Variants in DNAH5 observed in about 807,000 individuals in gnomAD.
DNAH5 encodes axonemal beta dynein heavy chain 5.
DNAH5 carries 372 observed loss-of-function variants against 518.2 expected under a neutral mutation model. The ratio of observed to expected loss-of-function variants is 0.72; its 90% CI spans 0.66 to 0.78. DNAH5 has a LOEUF of 0.78. DNAH5 is among the 30% of genes least tolerant of loss of function. The probability of loss-of-function intolerance (pLI) is 0.00; values close to 1 mark genes in which losing one functional copy is unlikely to be tolerated. For synonymous variants in DNAH5, 2,039 were observed against 2,025.9 expected, an observed-to-expected ratio of 1.01 and a Z score of -0.17; for missense variants, 5,523 against 5,687.0, an observed-to-expected ratio of 0.97 and a Z score of 0.93.
intron 5 of DNAH5, 33 bp from the exon 6 acceptor site, chr5:13,920,650 T>C (rs1327626039): frequency 6.2e-7 from 1 of 1,613,088 alleles, no homozygotes; most frequent in Admixed American, 1.7e-5. Flanking sequence ...AATCAGATGA[T>C]GCTTTTGTAA....
At chr5:13,858,458 A>G (rs891289801) in intron 30 of DNAH5, among the ~76,000 whole-genome samples, 7 of 152,136 alleles carry the variant, frequency 4.6e-5, no homozygotes, top group African/African-American at 1.4e-4. Flanking sequence ...TAGGAGAAAT[A>G]CCTAATGTAG....
chr5:13,702,368 A>G (rs550293188), intron 76 of DNAH5, among the ~76,000 whole-genome samples: 1 of 152,324 alleles, frequency 6.6e-6, no homozygotes, highest in Admixed American at 6.5e-5. Context: ...GAATAAAATG[A>G]TCATAATTTA....
At position 13,763,757 on chromosome 5, in the gene DNAH5, T is replaced by C. The variant is rs546949727; in HGVS notation, c.10102-856A>G. On this transcript the variant is annotated intron_variant, in intron 59 of 78. Transcript: ENST00000265104. ...ACTCATTTTTATGAGACTTGAAAAA[T>C]TGTAACCCCAAAAAAAGCCAGATGA... is the stretch of plus-strand genomic sequence containing the variant. Among the ~76,000 whole-genome samples, 43 of 152,196 alleles carry C rather than the reference T, an allele frequency of 2.8e-4. No individual in the cohort carries two copies. The South Asian group carries it at 7.7e-3, about 27-fold the overall frequency.
Position 13,809,011 on chromosome 5 carries a change from T to C in DNAH5, c.7752+33A>G, listed in dbSNP as rs371026991. ...GGATGCTTCATGTCTCCCCTTAAAA[T>C]ATGCTACAGTTAATAAAAATTAAAA... On this transcript the variant is annotated intron_variant, in intron 46 of 78. Coordinates refer to ENST00000265104, the MANE Select transcript of DNAH5 (RefSeq NM_001369.3). The C allele has an allele frequency of 1.4e-3, 2,229 of 1,611,732 alleles. 25 individuals carry two copies. Among genetic ancestry groups the C allele is most frequent in the South Asian group, 0.013 (1,185 of 90,992 alleles).
chr5:13,790,810 C>G (rs767758378), intron 50 of DNAH5, among the ~76,000 whole-genome samples: 1 of 152,024 alleles, frequency 6.6e-6, no homozygotes, highest in Non-Finnish European at 1.5e-5. Context: ...GTTTTTATAC[C>G]AGTATGAAAA....
intron 3 of DNAH5, 90 bp downstream of exon 3, chr5:13,928,004 G>A (rs947953990): frequency 3.9e-5 from 44 of 1,134,114 alleles, no homozygotes; most frequent in Admixed American, 1.6e-4. Flanking sequence ...GGTGAAACAG[G>A]TCCGTTCTCA....
At chr5:13,716,168 A>T (rs1744255855) in intron 74 of DNAH5, among the ~76,000 whole-genome samples, 1 of 152,148 alleles carries the variant, frequency 6.6e-6, no homozygotes, top group African/African-American at 2.4e-5. Context: ...CAGACAGAGA[A>T]CTCCAGGTGA....
intron 1 of DNAH5, among the ~76,000 whole-genome samples, chr5:14,010,125 T>C (rs748290289): frequency 2.0e-4 from 30 of 152,192 alleles, no homozygotes; most frequent in Non-Finnish European, 2.8e-4. Flanking sequence ...AATGATTTAC[T>C]TTTTTCACTC....
intron 1 of DNAH5, among the ~76,000 whole-genome samples, chr5:13,990,594 G>C (rs1264200636): frequency 6.6e-6 from 1 of 151,262 alleles, no homozygotes; most frequent in Non-Finnish European, 1.5e-5. Context: ...GGGGCCAGGC[G>C]TGGTGGCTCA....
chr5:13,836,827 T>G (rs1158428698), intron 35 of DNAH5, among the ~76,000 whole-genome samples: 1 of 152,186 alleles, frequency 6.6e-6, no homozygotes, highest in Non-Finnish European at 1.5e-5. Context: ...CATGAGTCCT[T>G]AAAAGCAGAA....
intron 65 of DNAH5, among the ~76,000 whole-genome samples, chr5:13,744,717 A>T (rs1749098474): frequency 6.6e-6 from 1 of 152,134 alleles, no homozygotes; most frequent in African/African-American, 2.4e-5. Context: ...TACTGTAAGT[A>T]GCTTAACAAA....
At chr5:13,854,118 A>G (rs1767267525) in intron 30 of DNAH5, among the ~76,000 whole-genome samples, 1 of 152,204 alleles carries the variant, frequency 6.6e-6, no homozygotes, top group Non-Finnish European at 1.5e-5. Context: ...AAAGGCAGCC[A>G]GAGAGAAATG....
intron 12 of DNAH5, among the ~76,000 whole-genome samples, chr5:13,908,497 T>C (rs913487579): frequency 2.0e-5 from 3 of 152,188 alleles, no homozygotes; most frequent in Non-Finnish European, 2.9e-5. Context: ...ATGTAAGACC[T>C]AGACTTTTCT....
At chr5:13,772,373 C>T (rs1478478454) in intron 55 of DNAH5, among the ~76,000 whole-genome samples, 2 of 152,154 alleles carry the variant, frequency 1.3e-5, no homozygotes, top group African/African-American at 2.4e-5. Context: ...TTTGTCTCTC[C>T]AAAAAGTCAA....
chr5:13,749,934 T>A (rs1343494084), intron 65 of DNAH5, among the ~76,000 whole-genome samples: 1 of 151,922 alleles, frequency 6.6e-6, no homozygotes, highest in East Asian at 1.9e-4. Context: ...GGAACCAGAA[T>A]CAGTATCTGC....
chr5:14,008,319 GAA>G (rs1784876622), intron 1 of DNAH5, among the ~76,000 whole-genome samples: 1 of 151,828 alleles, frequency 6.6e-6, no homozygotes, highest in South Asian at 2.1e-4. Context: ...AGACAGGAAT[GAA>G]GAAAGAAAGA....
At chr5:13,957,356 G>T (rs10070815) in intron 1 of DNAH5, among the ~76,000 whole-genome samples, 1 of 152,032 alleles carries the variant, frequency 6.6e-6, no homozygotes, top group Non-Finnish European at 1.5e-5. Context: ...GTACATCAAA[G>T]GTTATCAATT....
chr5:13,810,090 G>A lies in DNAH5; in HGVS notation c.7578C>T (p.Asp2526=). The change falls in exon 45 of 79, where the codon GAC becomes GAT. Residue 2526 remains aspartate, a synonymous_variant. Transcript: ENST00000265104. ...GCGCCACATAGTAGTCGAAGGCGGT[G>A]TCCCCGGGCCCCGCTGGCGGCGGCA... is the stretch of plus-strand genomic sequence containing the variant. ...LELPPPAGPG[D]TAFDYYVAPD... 1 of 1,552,930 alleles carries A rather than the reference G, an allele frequency of 6.4e-7. No individual in the cohort carries two copies. The highest frequency in any genetic ancestry group is 1.2e-5 in the South Asian group (1 of 84,196).
rs749171065 is a variant in DNAH5 at position 13,691,970 on chromosome 5, A to T, written c.*14T>A. On this transcript the variant is annotated 3_prime_UTR_variant, in exon 79 of 79. Coordinates refer to ENST00000265104, the MANE Select transcript of DNAH5 (RefSeq NM_001369.3). ...GCATTTTCCAAAGCATTGGGTGGGG[A>T]CACTCCCCACATGTTACTTGACATC... 6.2e-7 allele frequency: 1 copy of T among 1,613,874 alleles called. No individual in the cohort carries two copies. Among genetic ancestry groups the T allele is most frequent in the African/African-American group, 1.3e-5 (1 of 74,884 alleles).
Sources: allele counts gnomAD v4.1 joint callset (sites outside exome capture counted in the v4.1 genomes callset), GRCh38; gene constraint gnomAD v4.1.1; transcripts MANE v1.5; gene names NCBI Gene and HGNC (gene_info 2026-07-23, HGNC 2026-07-21).